The following ZFR variants were observed in gnomAD, a reference collection of about 807,000 sequenced individuals.
The protein encoded by ZFR is zinc finger RNA-binding protein.
In ZFR, 19 loss-of-function variants were observed where a neutral mutation model predicts 130.7. The ratio of observed to expected loss-of-function variants is 0.15; its 90% CI spans 0.10 to 0.21. The LOEUF (loss-of-function observed/expected upper bound fraction) is 0.21. Ranked by LOEUF, ZFR falls within the 10% of genes least tolerant of loss-of-function variation. The probability of loss-of-function intolerance (pLI) is 1.00; values close to 1 mark genes in which losing one functional copy is unlikely to be tolerated. For synonymous variants in ZFR, 466 were observed against 456.9 expected (o/e 1.02, Z -0.25); for missense variants, 872 against 1,321.5 (o/e 0.66, Z 5.27).
intron 12 of ZFR, among the ~76,000 whole-genome samples, chr5:32,389,590 C>T (rs778917822): frequency 1.4e-4 from 21 of 152,106 alleles, no homozygotes; most frequent in African/African-American, 4.3e-4. Context: ...GCTGAGGCTT[C>T]GGTGAGCTAT....
At position 32,419,855 on chromosome 5, in the gene ZFR, G is replaced by A. The variant is rs1753913050; in HGVS notation, c.386C>T (p.Pro129Leu). ...GYTQRQQEAP[P>L]PPPPATTQNY... Reference sequence around the variant, plus strand: ...TTGTGTAGTAGCTGGGGGTGGTGGTGGTGGTGCTTCTTGTTGCCTCTGAGT... The same window carrying A: ...TTGTGTAGTAGCTGGGGGTGGTGGTAGTGGTGCTTCTTGTTGCCTCTGAGT... Residue 129 changes from proline to leucine, a missense_variant, in exon 3 of 20, where the codon CCA becomes CTA. Pro to Leu is a moderately conservative substitution (Grantham distance 98). Transcript: ENST00000265069. 1 of 1,607,996 alleles carries A rather than the reference G, an allele frequency of 6.2e-7. No homozygotes were observed. The highest frequency in any genetic ancestry group is 8.5e-7 in the Non-Finnish European group (1 of 1,175,004).
chr5:32,410,656 A>G (rs1753687697), intron 5 of ZFR, among the ~76,000 whole-genome samples: 1 of 152,206 alleles, frequency 6.6e-6, no homozygotes, highest in East Asian at 1.9e-4. Context: ...GCTGGCATAT[A>G]GCTTTTAAAT....
In ZFR at chr5:32,387,479, GCA is replaced by G; in HGVS notation, c.2499+68_2499+69del. On this transcript the variant is annotated intron_variant, in intron 14 of 19. Coordinates refer to ENST00000265069, the MANE Select transcript of ZFR (RefSeq NM_016107.5). ...AAGGCTGGCTTAGGTTTAAACCGAAGCACAGTCAGTCCCGCCAAAAACTTCTG... is the reference window on the plus strand; with the variant it reads ...AAGGCTGGCTTAGGTTTAAACCGAAGCAGTCAGTCCCGCCAAAAACTTCTG... The G allele has an allele frequency of 3.8e-6, 6 of 1,564,984 alleles. No homozygotes were observed. The South Asian group carries it at 4.8e-5, about 12-fold the overall frequency.
At chr5:32,361,618 CTTT>C (rs1194868463) in intron 19 of ZFR, among the ~76,000 whole-genome samples, 4 of 134,014 alleles carry the variant, frequency 3.0e-5, no homozygotes, top group Admixed American at 7.6e-5. Context: ...TCAGCCTATT[CTTT>C]TTTTTTTTTT....
Position 32,406,912 on chromosome 5 carries a change from AGCAGCAGCAGCAGCTGCTGCT to A in ZFR, c.873_893del (p.Ala293_Ala299del). The stretch of plus-strand genomic sequence containing the variant: ...TGGTCCCTGTCCAGGCAGCTGTTGC[AGCAGCAGCAGCAGCTGCTGCT>A]GCTGCCTGCTTCTGTTGCTGCTGCT... On this transcript the variant is annotated inframe_deletion, in exon 6 of 20. Coordinates refer to ENST00000265069, the MANE Select transcript of ZFR (RefSeq NM_016107.5). 1.2e-6 allele frequency: 2 copies of A among 1,600,436 alleles called. No homozygotes were observed. Among genetic ancestry groups the A allele is most frequent in the Non-Finnish European group, 1.7e-6 (2 of 1,174,916 alleles).
Position 32,390,417 on chromosome 5 carries a change from T to C in ZFR, c.2000A>G (p.Tyr667Cys). 1.2e-6 allele frequency: 2 copies of C among 1,614,040 alleles called. No individual in the cohort carries two copies. Among genetic ancestry groups the C allele is most frequent in the Non-Finnish European group, 8.5e-7 (1 of 1,179,928 alleles). Residue 667 changes from tyrosine to cysteine, a missense_variant, in exon 12 of 20, where the codon TAC (tyrosine) becomes TGC (cysteine). Tyr to Cys is a radical substitution (Grantham distance 194). Transcript: ENST00000265069. Reference protein sequence around the residue: ...MEMRRYEEDMYWRRMEEEQHH... With the variant: ...MEMRRYEEDMCWRRMEEEQHH... ...TTGTTCTTCCTCCATTCTCCTCCAGTACATGTCCTCTTCATAACGTCTGAA... is the reference window on the plus strand; with the variant it reads ...TTGTTCTTCCTCCATTCTCCTCCAGCACATGTCCTCTTCATAACGTCTGAA...
chr5:32,441,117 G>C (rs1045661104), intron 2 of ZFR, among the ~76,000 whole-genome samples: 4 of 152,108 alleles, frequency 2.6e-5, no homozygotes, highest in Non-Finnish European at 1.5e-5. Context: ...GGGATTACAG[G>C]TGCCCGCCAC....
intron 2 of ZFR, among the ~76,000 whole-genome samples, chr5:32,432,994 A>C (rs966258357): frequency 2.6e-5 from 4 of 151,960 alleles, no homozygotes; most frequent in Non-Finnish European, 5.9e-5. Flanking sequence ...AGCCTCCCAA[A>C]GTGCAGGGAT....
rs571984715 is a variant in ZFR, at chr5:32,362,632, C to T, written c.3045+1316G>A. Among the ~76,000 whole-genome samples, 29 of 152,296 alleles carry T rather than the reference C, an allele frequency of 1.9e-4. 1 individual carries two copies. In the South Asian group the frequency reaches 5.8e-3, roughly 30 times the overall value. The stretch of plus-strand genomic sequence containing the variant: ...GTTGCCAAAAGACCCCCTTTAGAGC[C>T]ATGCCATTCCTTCTTCCTATCCTTA... On this transcript the variant is annotated intron_variant, in intron 19 of 19. Coordinates refer to ENST00000265069, the MANE Select transcript of ZFR (RefSeq NM_016107.5).
chr5:32,385,410 T>C, intron 15 of ZFR, 98 bp downstream of exon 15: 1 of 1,383,056 alleles, frequency 7.2e-7, no homozygotes, highest in Non-Finnish European at 9.9e-7. Context: ...TCACGTGTAA[T>C]GCCAGCATGT....
intron 9 of ZFR, among the ~76,000 whole-genome samples, chr5:32,399,385 C>A (rs1753391811): frequency 6.6e-6 from 1 of 152,148 alleles, no homozygotes; most frequent in African/African-American, 2.4e-5. Context: ...TAGGGAATAT[C>A]CCAATTTTAT....
intron 17 of ZFR, among the ~76,000 whole-genome samples, chr5:32,370,857 A>G (rs1314248439): frequency 6.6e-6 from 1 of 152,230 alleles, no homozygotes; most frequent in Admixed American, 6.5e-5. Context: ...AAGGCAGAAC[A>G]CCATTTTCAA....
intron 19 of ZFR, among the ~76,000 whole-genome samples, chr5:32,357,270 T>C (rs1222141331): frequency 6.6e-6 from 1 of 151,974 alleles, no homozygotes; most frequent in Non-Finnish European, 1.5e-5. Flanking sequence ...CTTGTATTTA[T>C]TTATTTATTT....
Position 32,390,266 on chromosome 5 carries a change from G to A in ZFR, c.2142+9C>T, listed in dbSNP as rs373028005. 5 of 1,608,394 alleles carry A rather than the reference G, an allele frequency of 3.1e-6. No individual in the cohort carries two copies. The highest frequency in any genetic ancestry group is 4.3e-6 in the Non-Finnish European group (5 of 1,175,730). ...TTTCACCCCTTGTATCACCAACGTGGACACTCACTGCAGGCCCCTGAGGCT... is the reference window on the plus strand; with the variant it reads ...TTTCACCCCTTGTATCACCAACGTGAACACTCACTGCAGGCCCCTGAGGCT... On this transcript the variant is annotated intron_variant, in intron 12 of 19. Coordinates refer to ENST00000265069, the MANE Select transcript of ZFR (RefSeq NM_016107.5).
chr5:32,423,287 C>T (rs564725582), intron 2 of ZFR, among the ~76,000 whole-genome samples: 4 of 152,030 alleles, frequency 2.6e-5, no homozygotes, highest in Admixed American at 6.6e-5. Flanking sequence ...GAGCTGAGAT[C>T]ATACCACTGC....
rs1020542571 is a variant in ZFR, at chr5:32,414,899, A to C, written c.784+70T>G. The C allele has an allele frequency of 1.5e-5, 20 of 1,375,226 alleles. No individual in the cohort carries two copies. In the South Asian group the frequency reaches 2.1e-4, roughly 15 times the overall value. The allele number at this position is 1,375,226 out of a possible 1,614,324, so 85.2% of individuals were successfully genotyped here. On this transcript the variant is annotated intron_variant, in intron 5 of 19. Coordinates refer to ENST00000265069, the MANE Select transcript of ZFR (RefSeq NM_016107.5). ...TTGGGAGTAAGGTAATTTCAAAGACAATCAAGATAGTTTCTACTAAGTCTC... is the reference window on the plus strand; with the variant it reads ...TTGGGAGTAAGGTAATTTCAAAGACCATCAAGATAGTTTCTACTAAGTCTC...
chr5:32,363,497 G>C (rs937684312), intron 19 of ZFR, among the ~76,000 whole-genome samples: 1 of 152,122 alleles, frequency 6.6e-6, no homozygotes, highest in Non-Finnish European at 1.5e-5. Context: ...GGCAGAGTTG[G>C]TAGTCAAATC....
intron 1 of ZFR, 26 bp from the exon 2 acceptor site, chr5:32,444,354 C>A (rs1171353366): frequency 6.5e-7 from 1 of 1,533,472 alleles, no homozygotes; most frequent in Admixed American, 2.0e-5. Flanking sequence ...AGAGTCGGGT[C>A]CCATGGCGGG....
rs1285751334 is a variant in ZFR at position 32,355,457 on chromosome 5, T to C, written c.*303A>G. The C allele has an allele frequency of 5.0e-6, 1 of 200,342 alleles. No individual in the cohort carries two copies. Among genetic ancestry groups the C allele is most frequent in the Non-Finnish European group, 9.9e-6 (1 of 100,740 alleles). The allele number at this position is 200,342 out of a possible 1,614,324, so 12.4% of individuals were successfully genotyped here. A position where few individuals can be genotyped will look rare whatever the true frequency, so the allele number is the denominator to read the frequency against. On this transcript the variant is annotated 3_prime_UTR_variant, in exon 20 of 20. Coordinates refer to ENST00000265069, the MANE Select transcript of ZFR (RefSeq NM_016107.5). ...GTGAAGATTTAATAAGACAATGCAC[T>C]AGTTAATAAAAGACACAAAAATAGG...
Sources: gnomAD v4.1 joint callset for allele counts (sites outside exome capture counted in the v4.1 genomes callset) on GRCh38, gnomAD v4.1.1 for gene constraint, MANE v1.5 for transcripts, NCBI Gene and HGNC (gene_info 2026-07-23, HGNC 2026-07-21) for gene names.